Variants in C4orf36 observed in about 807,000 individuals in gnomAD.
C4orf36 encodes uncharacterized protein C4orf36.
A neutral mutation model predicts 12.2 loss-of-function variants in C4orf36; 11 were observed. That is an observed-to-expected ratio of 0.90 (90% CI 0.57 to 1.49). C4orf36 has a LOEUF of 1.49. C4orf36 is among the 40% of genes most tolerant of loss of function. The probability of loss-of-function intolerance (pLI) is 0.00; values close to 1 mark genes in which losing one functional copy is unlikely to be tolerated. For missense variants in C4orf36, 137 were observed against 133.9 expected (o/e 1.02, Z -0.11); for synonymous variants, 54 against 51.3 (o/e 1.05, Z -0.22).
chr4:86,879,991 T>C (rs572345829), intron 4 of C4orf36, among the ~76,000 whole-genome samples: 46 of 152,056 alleles, frequency 3.0e-4, no homozygotes, highest in African/African-American at 1.0e-3. Flanking sequence ...ACTGTGACTA[T>C]AGGCACACAC....
At chr4:86,895,313 C>T (rs914116819), upstream of C4orf36, among the ~76,000 whole-genome samples, 1 of 150,454 alleles carries the variant, frequency 6.6e-6, no homozygotes, top group African/African-American at 2.4e-5. Flanking sequence ...GACCCTGTCT[C>T]AATTAAAAAA....
the C4orf36 span, among the ~76,000 whole-genome samples, chr4:86,922,095 C>CA: frequency 6.6e-6 from 1 of 151,888 alleles, no homozygotes; most frequent in African/African-American, 2.4e-5. Context: ...AAGGATAATT[C>CA]AAAAAAACAC....
intron 4 of C4orf36, among the ~76,000 whole-genome samples, chr4:86,877,869 A>G (rs1468728266): frequency 6.6e-6 from 1 of 152,216 alleles, no homozygotes; most frequent in Non-Finnish European, 1.5e-5. Context: ...CTGCATTTCT[A>G]TAATTACAGA....
rs1258077183 is a variant in C4orf36, at chr4:86,887,792, C to A, written c.322G>T (p.Ala108Ser). 6.2e-7 allele frequency: 1 copy of A among 1,614,118 alleles called. No individual in the cohort carries two copies. The highest frequency in any genetic ancestry group is 8.5e-7 in the Non-Finnish European group (1 of 1,180,050). Residue 108 changes from alanine to serine, a missense_variant, in exon 4 of 5, where the codon GCC (alanine) becomes TCC (serine). Physicochemically the swap from Ala to Ser is moderately conservative, Grantham distance 99. Coordinates refer to ENST00000295898, the MANE Select transcript of C4orf36 (RefSeq NM_144645.4). The stretch of plus-strand genomic sequence containing the variant: ...GATGGAAGAGGTCTTCTCAAACCGG[C>A]TGGCCTTTCCCTCAGGAGAAGCTGA... The part of the protein sequence containing the change: ...EIQLLLRERP[A>S]GLRRPLPSK
chr4:86,914,477 T>G, the C4orf36 span: 2 of 551,736 alleles, frequency 3.6e-6, no homozygotes, highest in Non-Finnish European at 6.3e-6. Flanking sequence ...CTCAGCTCAC[T>G]GCAACCTCCA....
chr4:86,923,076 C>A, the C4orf36 span, among the ~76,000 whole-genome samples: 1 of 149,944 alleles, frequency 6.7e-6, no homozygotes, highest in Non-Finnish European at 1.5e-5. Context: ...CTAGCCACTG[C>A]ATCCAGCTGC....
the C4orf36 span, among the ~76,000 whole-genome samples, chr4:86,927,658 G>C: frequency 5.3e-5 from 8 of 152,216 alleles, no homozygotes; most frequent in East Asian, 1.5e-3. Context: ...AAATTAGCCA[G>C]GCGTGGTGGT....
the C4orf36 span, among the ~76,000 whole-genome samples, chr4:86,928,317 A>G: frequency 6.6e-6 from 1 of 152,228 alleles, no homozygotes; most frequent in Non-Finnish European, 1.5e-5. Context: ...GATCTGTAGA[A>G]GCTGGGGCTA....
the C4orf36 span, among the ~76,000 whole-genome samples, chr4:86,902,500 G>T: frequency 6.8e-6 from 1 of 147,882 alleles, no homozygotes; most frequent in Non-Finnish European, 1.5e-5. Flanking sequence ...CTCCAAAAAA[G>T]CACCAATACT....
At chr4:86,920,909 C>G in the C4orf36 span, among the ~76,000 whole-genome samples, 6 of 152,044 alleles carry the variant, frequency 3.9e-5, no homozygotes, top group African/African-American at 1.4e-4. Flanking sequence ...GGGTGGCTCA[C>G]ATCTATAATC....
chr4:86,888,922 C>T (rs1483317174), intron 2 of C4orf36, among the ~76,000 whole-genome samples: 1 of 152,132 alleles, frequency 6.6e-6, no homozygotes, highest in Non-Finnish European at 1.5e-5. Flanking sequence ...TTCCACCTTC[C>T]CCATCCTTTA....
chr4:86,921,830 C>T, the C4orf36 span, among the ~76,000 whole-genome samples: 1 of 152,164 alleles, frequency 6.6e-6, no homozygotes, highest in African/African-American at 2.4e-5. Flanking sequence ...GCAATAACTC[C>T]GCATTCTTTC....
the C4orf36 span, among the ~76,000 whole-genome samples, chr4:86,922,113 T>C: frequency 6.6e-6 from 1 of 152,102 alleles, no homozygotes; most frequent in African/African-American, 2.4e-5. Context: ...CACACATAAA[T>C]AGGCAACAAG....
At chr4:86,914,034 T>G in the C4orf36 span, 1 of 1,609,728 alleles carries the variant, frequency 6.2e-7, no homozygotes, top group South Asian at 1.1e-5. Flanking sequence ...CAAAACGTCG[T>G]TGGGATGGCA....
chr4:86,929,347 T>A, the C4orf36 span, among the ~76,000 whole-genome samples: 3 of 152,196 alleles, frequency 2.0e-5, no homozygotes, highest in Admixed American at 6.5e-5. Flanking sequence ...GGCCTTTTTT[T>A]ATTTTATTTT....
chr4:86,884,251 G>A (rs912401939), intron 4 of C4orf36, among the ~76,000 whole-genome samples: 4 of 150,974 alleles, frequency 2.6e-5, no homozygotes, highest in Admixed American at 2.0e-4. Flanking sequence ...ATGCTTCAGG[G>A]TCATTCCAGA....
chr4:86,908,290 T>G, the C4orf36 span, among the ~76,000 whole-genome samples: 1 of 151,428 alleles, frequency 6.6e-6, no homozygotes, highest in Non-Finnish European at 1.5e-5. Context: ...TGAAAGAAAG[T>G]GGGTTTGATA....
the C4orf36 span, chr4:86,935,836 A>G: frequency 2.6e-5 from 4 of 152,132 alleles, no homozygotes; most frequent in East Asian, 7.8e-4. Context: ...AGGCGTCTTT[A>G]GTATGGGACT....
chr4:86,914,870 G>A, the C4orf36 span: 2 of 387,264 alleles, frequency 5.2e-6, no homozygotes, highest in South Asian at 2.0e-5. Flanking sequence ...GTCCGGACGG[G>A]CTTGGAGTGG....
Sources: gnomAD v4.1 joint callset for allele counts (sites outside exome capture counted in the v4.1 genomes callset) on GRCh38, gnomAD v4.1.1 for gene constraint, MANE v1.5 for transcripts, NCBI Gene and HGNC (gene_info 2026-07-23, HGNC 2026-07-21) for gene names.